The following LRRTM1 variants were observed in gnomAD, a reference collection of about 807,000 sequenced individuals.
The protein encoded by LRRTM1 is leucine rich repeat transmembrane neuronal 1.
Under a neutral mutation model 37.3 loss-of-function variants are expected in LRRTM1, and 8 were observed. The ratio of observed to expected loss-of-function variants is 0.21; its 90% confidence interval spans 0.13 to 0.39. LRRTM1 has a LOEUF of 0.39. Among genes scored for constraint, LRRTM1 ranks in the 10% least tolerant of loss-of-function variants. The probability of loss-of-function intolerance (pLI) is 1.00; values close to 1 mark genes in which losing one functional copy is unlikely to be tolerated. For missense variants in LRRTM1, 557 were observed against 691.0 expected (o/e 0.81, Z 2.17); for synonymous variants, 326 against 316.8 (o/e 1.03, Z -0.31).
At chr2:80,299,659 G>A (rs1676067670), downstream of LRRTM1, 1 of 152,180 alleles carries the variant, frequency 6.6e-6, no homozygotes, top group Non-Finnish European at 1.5e-5. Context: ...ATAAAACAAA[G>A]CACGATTATT....
intron 2 of LRRTM1, among the ~76,000 whole-genome samples, chr2:80,295,946 C>T (rs750860441): frequency 6.6e-6 from 1 of 152,160 alleles, no homozygotes; most frequent in African/African-American, 2.4e-5. Flanking sequence ...GTTTGCAGTT[C>T]TTGTATCTCT....
At chr2:80,299,549 T>C (rs1337834745), downstream of LRRTM1, 2 of 152,198 alleles carry the variant, frequency 1.3e-5, no homozygotes, top group Non-Finnish European at 2.9e-5. Flanking sequence ...AGCTCCCAGA[T>C]TGCAGATTCC....
chr2:80,302,839 C>A lies in LRRTM1; in HGVS notation c.981G>T (p.Ser327=). 1 of 1,614,064 alleles carries A rather than the reference C, an allele frequency of 6.2e-7. No individual in the cohort carries two copies. ...DCGRNVCALA[S]WLNNFQGRYD... ...AGCGCCCCTGGAAGTTGTTGAGCCACGAGGCTAGGGCACACACGTTGCGCC... is the reference window on the plus strand; with the variant it reads ...AGCGCCCCTGGAAGTTGTTGAGCCAAGAGGCTAGGGCACACACGTTGCGCC... The change falls in exon 2 of 2, where the codon TCG becomes TCT. Residue 327 remains serine, a synonymous_variant. Transcript: ENST00000295057. The surrounding 1 kb of genome is among the most constrained non-coding windows in gnomAD (Gnocchi z 6.4).
At chr2:80,300,786 A>C (rs1018107465), downstream of LRRTM1, among the ~76,000 whole-genome samples, 1 of 152,122 alleles carries the variant, frequency 6.6e-6, no homozygotes, top group African/African-American at 2.4e-5. Flanking sequence ...CTGATGAAGG[A>C]GCCCTCCGTC....
downstream of LRRTM1, among the ~76,000 whole-genome samples, chr2:80,300,165 A>T (rs566842733): frequency 1.1e-4 from 17 of 152,238 alleles, no homozygotes; most frequent in South Asian, 3.5e-3. Context: ...TCTCTTCTAG[A>T]ACACTAATAG....
chr2:80,296,714 C>A (rs867724797), intron 2 of LRRTM1, among the ~76,000 whole-genome samples: 1 of 152,184 alleles, frequency 6.6e-6, no homozygotes, highest in African/African-American at 2.4e-5. Flanking sequence ...AACTTCAGCA[C>A]TCTTGACATT....
At chr2:80,299,792 T>A (rs1006932040), downstream of LRRTM1, 1 of 152,164 alleles carries the variant, frequency 6.6e-6, no homozygotes, top group Admixed American at 6.5e-5. Flanking sequence ...GACTTGTGGT[T>A]CTGATGCTTG....
chr2:80,299,170 T>C (rs1295044726), downstream of LRRTM1: 1 of 152,104 alleles, frequency 6.6e-6, no homozygotes, highest in Non-Finnish European at 1.5e-5. Context: ...ATTAGCACCC[T>C]CTGTGGGAAG....
In LRRTM1 at chr2:80,302,651, G is replaced by A; in HGVS notation, c.1169C>T (p.Ser390Leu). The A allele has an allele frequency of 6.2e-7, 1 of 1,608,998 alleles. No individual in the cohort carries two copies. The highest frequency in any genetic ancestry group is 8.5e-7 in the Non-Finnish European group (1 of 1,178,718). Residue 390 changes from serine (S) to leucine (L), a missense_variant, in exon 2 of 2, where the codon TCG (serine) becomes TTG (leucine). By Grantham distance (145) the Ser-to-Leu change is moderately radical. Coordinates refer to ENST00000295057, the MANE Select transcript of LRRTM1 (RefSeq NM_178839.5). This position sits in a 1 kb window ranked among gnomAD's most constrained non-coding sequence, Gnocchi z 6.4. ...NRSDLGPPAS[S>L]ATTLADGGEG... The stretch of plus-strand genomic sequence containing the variant: ...CCCGCCGTCCGCGAGCGTGGTGGCC[G>A]AGCTGGCAGGGGGCCCCAGATCACT...
chr2:80,290,115 G>A (rs562441812), intron 2 of LRRTM1, among the ~76,000 whole-genome samples: 6 of 152,282 alleles, frequency 3.9e-5, no homozygotes, highest in African/African-American at 1.2e-4. Flanking sequence ...GAAGCAGGCT[G>A]AGCAAGGATT....
Position 80,301,980 on chromosome 2 carries a change from A to G in LRRTM1, c.*271T>C, listed in dbSNP as rs1676364254. 2.6e-6 allele frequency: 1 copy of G among 377,962 alleles called. No homozygotes were observed. 23.4% of individuals were successfully genotyped at this position (377,962 alleles called of 1,614,324 possible). ...CTCTCAGATTCCTGAATATGGACAG[A>G]TCTTCAAAGGGAGGAAGGAGTTCTC... On this transcript the variant is annotated 3_prime_UTR_variant, in exon 2 of 2. Coordinates refer to ENST00000295057, the MANE Select transcript of LRRTM1 (RefSeq NM_178839.5).
chr2:80,296,914 A>G (rs1406448851), downstream of LRRTM1, among the ~76,000 whole-genome samples: 2 of 152,216 alleles, frequency 1.3e-5, no homozygotes, highest in Non-Finnish European at 2.9e-5. Flanking sequence ...AACCAGTACC[A>G]TAGACACATG....
chr2:80,301,403 CA>C (rs1191862568), downstream of LRRTM1, among the ~76,000 whole-genome samples: 1 of 152,166 alleles, frequency 6.6e-6, no homozygotes, highest in African/African-American at 2.4e-5. Flanking sequence ...ATCAAAGACT[CA>C]GGAGAATTAA....
At position 80,301,935 on chromosome 2, in the gene LRRTM1, T is replaced by G; in HGVS notation, c.*316A>C. On this transcript the variant is annotated 3_prime_UTR_variant, in exon 2 of 2. Coordinates refer to ENST00000295057, the MANE Select transcript of LRRTM1 (RefSeq NM_178839.5). ...AGTTTACAAAAAAAAAAAAAATCAA[T>G]GATTGGTACCTTTTTTACACTCTCA... 1 of 232,378 alleles carries G rather than the reference T, an allele frequency of 4.3e-6. No individual in the cohort carries two copies. Among genetic ancestry groups the G allele is most frequent in the East Asian group, 9.0e-5 (1 of 11,054 alleles). 14.4% of individuals were successfully genotyped at this position (232,378 alleles called of 1,614,324 possible). A position where few individuals can be genotyped will look rare whatever the true frequency, so the allele number is the denominator to read the frequency against.
At position 80,303,232 on chromosome 2, in the gene LRRTM1, C is replaced by T. The variant is rs769674263; in HGVS notation, c.588G>A (p.Gln196=). The T allele has an allele frequency of 2.5e-6, 4 of 1,613,634 alleles. No homozygotes were observed. Among genetic ancestry groups the T allele is most frequent in the Non-Finnish European group, 3.4e-6 (4 of 1,179,968 alleles). ...AAGAGTTGCGCGCCAGACTCTTGAG[C>T]TGATTGTATCCGATGTCGAGAAACT... ...SLKFLDIGYN[Q]LKSLARNSFA... The change falls in exon 2 of 2, where the codon CAG becomes CAA. Residue 196 remains glutamine, a synonymous_variant. Transcript: ENST00000295057. This position sits in a 1 kb window ranked among gnomAD's most constrained non-coding sequence, Gnocchi z 7.7.
At chr2:80,298,380 T>G (rs1675948622), downstream of LRRTM1, 1 of 152,180 alleles carries the variant, frequency 6.6e-6, no homozygotes, top group South Asian at 2.1e-4. Flanking sequence ...AGATATAATT[T>G]CTGGTTCTTT....
rs201216009 is a variant in LRRTM1, at chr2:80,303,630, G to T, written c.190C>A (p.Leu64Met). 1.9e-6 allele frequency: 3 copies of T among 1,613,702 alleles called. No homozygotes were observed. The highest frequency in any genetic ancestry group is 2.5e-6 in the Non-Finnish European group (3 of 1,179,804). Residue 64 changes from leucine (L) to methionine (M), a missense_variant, in exon 2 of 2, where the codon CTG (leucine) becomes ATG (methionine). Physicochemically the swap from Leu to Met is conservative, Grantham distance 15 (BLOSUM62 2). This residue lies in a region of LRRTM1 where 140 missense variants were observed against 138.1 expected (regional missense o/e 1.01). Transcript: ENST00000295057. This position sits in a 1 kb window ranked among gnomAD's most constrained non-coding sequence, Gnocchi z 7.7. The stretch of plus-strand genomic sequence containing the variant: ...AGGGACAAGCCCAGCAGGCCGGACA[G>T]GTTGTGGGGCGCCTCGGTGAGGTTG... ...ALNLTEAPHN[L>M]SGLLGLSLRY...
rs150754962 is a variant in LRRTM1 at position 80,302,310 on chromosome 2, T to C, written c.1510A>G (p.Ile504Val). Residue 504 changes from isoleucine (I) to valine (V), a missense_variant, in exon 2 of 2, where the codon ATC (isoleucine) becomes GTC (valine). Ile to Val is a conservative substitution (Grantham distance 29). Around this residue, in one of 5 missense-constraint regions of LRRTM1, gnomAD observed 90 missense variants for 149.4 expected, o/e 0.60. Transcript: ENST00000295057. This position sits in a 1 kb window ranked among gnomAD's most constrained non-coding sequence, Gnocchi z 6.4. The stretch of plus-strand genomic sequence containing the variant: ...CAGGTACACGAGCCATACTCGTTGA[T>C]GATCACCAGGGCTCCCTCAATGTGG... The part of the protein sequence containing the change: ...PNHIEGALVI[I>V]NEYGSCTCHQ... 5 of 1,614,222 alleles carry C rather than the reference T, an allele frequency of 3.1e-6. No homozygotes were observed. The highest frequency in any genetic ancestry group is 1.1e-5 in the South Asian group (1 of 91,078).
chr2:80,302,271 C>T lies in LRRTM1; in HGVS notation c.1549G>A (p.Ala517Thr). The T allele has an allele frequency of 1.2e-6, 2 of 1,613,522 alleles. No individual in the cohort carries two copies. Among genetic ancestry groups the T allele is most frequent in the Non-Finnish European group, 8.5e-7 (1 of 1,179,722 alleles). Residue 517 changes from alanine (A) to threonine (T), a missense_variant, in exon 2 of 2, where the codon GCG (alanine) becomes ACG (threonine). Physicochemically the swap from Ala to Thr is moderately conservative, Grantham distance 58. Coordinates refer to ENST00000295057, the MANE Select transcript of LRRTM1 (RefSeq NM_178839.5). The surrounding 1 kb of genome is among the most constrained non-coding windows in gnomAD (Gnocchi z 6.4). Reference sequence around the variant, plus strand: ...GACAATCACACCTCGCATTCCCTCGCGGGCTGCTGGTGGCAGGTACACGAG... The same window carrying T: ...GACAATCACACCTCGCATTCCCTCGTGGGCTGCTGGTGGCAGGTACACGAG... The part of the protein sequence containing the change: ...YGSCTCHQQP[A>T]RECEV
Sources: gnomAD v4.1 joint callset for allele counts (sites outside exome capture counted in the v4.1 genomes callset) on GRCh38, gnomAD v4.1.1 for gene constraint, gnomAD v4.1.1 regional missense constraint, Gnocchi (gnomAD v3.1) non-coding constraint, MANE v1.5 for transcripts, NCBI Gene and HGNC (gene_info 2026-07-23, HGNC 2026-07-21) for gene names.